Variants in EPN2 observed in about 807,000 individuals in gnomAD.
The protein encoded by EPN2 is epsin-2.
EPN2 carries 34 observed loss-of-function variants against 61.7 expected under a neutral mutation model. That is an observed-to-expected ratio of 0.55 (90% CI 0.42 to 0.73). The LOEUF (loss-of-function observed/expected upper bound fraction) is 0.73. Ranked by LOEUF, EPN2 falls within the 30% of genes least tolerant of loss-of-function variation. The probability of loss-of-function intolerance (pLI) is 0.00; values close to 1 mark genes in which losing one functional copy is unlikely to be tolerated. For missense variants in EPN2, 714 were observed against 839.2 expected (o/e 0.85, Z 1.84); for synonymous variants, 349 against 353.6 (o/e 0.99, Z 0.15).
At chr17:19,290,531 T>A (rs780764657) in intron 4 of EPN2, among the ~76,000 whole-genome samples, 1 of 151,214 alleles carries the variant, frequency 6.6e-6, no homozygotes, top group African/African-American at 2.4e-5. Context: ...CTGGCCTCTG[T>A]TGAGGGTGGG....
At chr17:19,329,011 A>G in intron 8 of EPN2, 124 bp downstream of exon 8, 2 of 851,694 alleles carry the variant, frequency 2.3e-6, no homozygotes, top group Non-Finnish European at 3.6e-6. Flanking sequence ...CCTCCCCCTT[A>G]GCCTTTGTTC....
intron 4 of EPN2, among the ~76,000 whole-genome samples, chr17:19,289,073 TG>T (rs2045432668): frequency 1.6e-5 from 2 of 124,476 alleles, no homozygotes; most frequent in African/African-American, 4.0e-5. Flanking sequence ...GTTCTGGGTA[TG>T]TTTTTTTTTT....
At position 19,290,856 on chromosome 17, in the gene EPN2, C is replaced by T. The variant is rs117833794; in HGVS notation, c.766+5066C>T. ...TGTACCAGGTGGGGGCTGCTGCCTG[C>T]AGCCGGGTCTTCTTGGCTCTCCTCA... is the stretch of plus-strand genomic sequence containing the variant. On this transcript the variant is annotated intron_variant, in intron 4 of 10. Coordinates refer to ENST00000314728, the MANE Select transcript of EPN2 (RefSeq NM_014964.5). Among the ~76,000 whole-genome samples the T allele has an allele frequency of 7.1e-4, 108 of 152,286 alleles. 2 individuals carry two copies. In the East Asian group the frequency reaches 0.016, roughly 23 times the overall value.
At chr17:19,332,708 T>A (rs1907220095) in intron 10 of EPN2, among the ~76,000 whole-genome samples, 1 of 152,176 alleles carries the variant, frequency 6.6e-6, no homozygotes, top group Non-Finnish European at 1.5e-5. Flanking sequence ...TGTTACACAC[T>A]CAGTTTCCCC....
intron 1 of EPN2, among the ~76,000 whole-genome samples, chr17:19,254,207 G>A (rs2152204191): frequency 6.6e-6 from 1 of 150,696 alleles, no homozygotes; most frequent in East Asian, 2.0e-4. Context: ...AGGAAAGGAA[G>A]GAAAGGAAAA....
At chr17:19,243,746 C>T (rs2044913506) in intron 1 of EPN2, among the ~76,000 whole-genome samples, 1 of 152,054 alleles carries the variant, frequency 6.6e-6, no homozygotes, top group Admixed American at 6.6e-5. Flanking sequence ...ACCACGTTGG[C>T]CAGACTGGTC....
intron 1 of EPN2, among the ~76,000 whole-genome samples, chr17:19,266,629 C>T (rs535406687): frequency 1.3e-5 from 2 of 151,906 alleles, no homozygotes; most frequent in East Asian, 2.0e-4. Flanking sequence ...GTTTCGATCT[C>T]CTCACCTCGT....
chr17:19,267,131 G>T (rs895711117), intron 1 of EPN2, among the ~76,000 whole-genome samples: 4 of 151,772 alleles, frequency 2.6e-5, no homozygotes, highest in Non-Finnish European at 5.9e-5. Flanking sequence ...GAGCCACTGC[G>T]CCCGGCCTAA....
intron 1 of EPN2, among the ~76,000 whole-genome samples, chr17:19,256,737 G>C (rs1281773623): frequency 6.6e-6 from 1 of 152,126 alleles, no homozygotes; most frequent in East Asian, 1.9e-4. Context: ...AAATTTAGCT[G>C]TGAAGTCCAT....
chr17:19,288,271 T>G (rs1277720802), intron 4 of EPN2, among the ~76,000 whole-genome samples: 3 of 152,210 alleles, frequency 2.0e-5, no homozygotes, highest in African/African-American at 7.2e-5. Flanking sequence ...TGCCCTCTGC[T>G]CTGTATTTAT....
At chr17:19,320,993 C>A (rs568342262) in intron 7 of EPN2, among the ~76,000 whole-genome samples, 4 of 152,324 alleles carry the variant, frequency 2.6e-5, no homozygotes, top group African/African-American at 9.6e-5. Flanking sequence ...GCAGACCCAG[C>A]CGATGTTCTC....
rs541470998 is a variant in EPN2, at chr17:19,243,486, G to T, written c.-294+5955G>T. On this transcript the variant is annotated intron_variant, in intron 1 of 10. Transcript: ENST00000314728. ...CAGCTCACTGCAAGCTCCGCCTCCC[G>T]GGTTCACGCCATTCTCCTGCCTCAG... Among the ~76,000 whole-genome samples the T allele has an allele frequency of 2.2e-5, 3 of 137,138 alleles. No homozygotes were observed. The East Asian group carries it at 7.7e-4, about 35-fold the overall frequency. 90.0% of individuals were successfully genotyped at this position (137,138 alleles called of 152,430 possible). A position where few individuals can be genotyped will look rare whatever the true frequency, so the allele number is the denominator to read the frequency against.
chr17:19,330,811 CAT>C (rs2152240368), intron 9 of EPN2: 1 of 153,166 alleles, frequency 6.5e-6, no homozygotes, highest in African/African-American at 2.4e-5. Context: ...GCCTAGGCAA[CAT>C]AGTGAGACCC....
At position 19,325,827 on chromosome 17, in the gene EPN2, A is replaced by G. The variant is rs529013459; in HGVS notation, c.1148-2884A>G. On this transcript the variant is annotated intron_variant, in intron 7 of 10. Coordinates refer to ENST00000314728, the MANE Select transcript of EPN2 (RefSeq NM_014964.5). ...GATGGGATTGTACATAGAACATGAAAAAATTTCTACAGATAAGTTATTAGA... is the reference window on the plus strand; with the variant it reads ...GATGGGATTGTACATAGAACATGAAGAAATTTCTACAGATAAGTTATTAGA... Among the ~76,000 whole-genome samples, 16 of 32,834 alleles carry G rather than the reference A, an allele frequency of 4.9e-4. 1 individual carries two copies. The highest frequency in any genetic ancestry group is 4.8e-3 in the East Asian group (15 of 3,126). 21.5% of individuals were successfully genotyped at this position (32,834 alleles called of 152,430 possible). A position where few individuals can be genotyped will look rare whatever the true frequency, so the allele number is the denominator to read the frequency against.
Position 19,240,671 on chromosome 17 carries a change from C to T in EPN2, c.-294+3140C>T, listed in dbSNP as rs577807765. 4.6e-5 allele frequency among the ~76,000 whole-genome samples: 7 copies of T among 152,310 alleles called. No homozygotes were observed. In the East Asian group the frequency reaches 1.2e-3, roughly 25 times the overall value. ...CAGACCTCTTCTGTCAATACTTTGC[C>T]GTCTAGCTCGTCCGATGTTTGGCCC... On this transcript the variant is annotated intron_variant, in intron 1 of 10. Transcript: ENST00000314728.
chr17:19,240,869 T>G (rs772005940), intron 1 of EPN2, among the ~76,000 whole-genome samples: 14 of 152,150 alleles, frequency 9.2e-5, no homozygotes, highest in Non-Finnish European at 1.3e-4. Flanking sequence ...AGATGCTCAG[T>G]AAAGGTTTGT....
At chr17:19,294,513 T>C (rs924942521) in intron 4 of EPN2, among the ~76,000 whole-genome samples, 6 of 152,254 alleles carry the variant, frequency 3.9e-5, no homozygotes, top group South Asian at 2.1e-4. Context: ...TTTACCTGTT[T>C]TTTAAGGATC....
intron 4 of EPN2, chr17:19,307,791 CT>C: frequency 3.7e-6 from 2 of 539,062 alleles, no homozygotes; most frequent in Non-Finnish European, 4.7e-6. Context: ...GAAGCAGCCT[CT>C]TTCTACCTCC....
intron 1 of EPN2, among the ~76,000 whole-genome samples, chr17:19,245,048 G>A (rs1377573120): frequency 6.6e-6 from 1 of 152,188 alleles, no homozygotes; most frequent in Non-Finnish European, 1.5e-5. Flanking sequence ...TTGGTCATGG[G>A]CACCTGGCCA....
Sources: allele counts gnomAD v4.1 joint callset (sites outside exome capture counted in the v4.1 genomes callset), GRCh38; gene constraint gnomAD v4.1.1; transcripts MANE v1.5; gene names NCBI Gene and HGNC (gene_info 2026-07-23, HGNC 2026-07-21).